The following LRRC36 variants were observed in gnomAD, a reference collection of about 807,000 sequenced individuals.
The protein encoded by LRRC36 is leucine-rich repeat-containing protein 36.
A neutral mutation model predicts 81.1 loss-of-function variants in LRRC36; 62 were observed. The observed-to-expected ratio is 0.76, with a 90% CI of 0.62 to 0.94. LRRC36 has a LOEUF of 0.94. Ranked by LOEUF, LRRC36 falls within the 40% of genes least tolerant of loss-of-function variation. LRRC36 has a pLI of 0.00. For synonymous variants in LRRC36, 334 were observed against 348.6 expected (o/e 0.96, Z 0.47); for missense variants, 761 against 881.7 (o/e 0.86, Z 1.73).
At chr16:67,378,510 G>A (rs964202060) in intron 11 of LRRC36, 79 bp from the exon 12 acceptor site, 3 of 1,398,602 alleles carry the variant, frequency 2.1e-6, no homozygotes, top group Admixed American at 1.8e-5. Context: ...AAAGTGCTAG[G>A]ATTACAGGCG....
chr16:67,358,643 G>A (rs1362943986), intron 5 of LRRC36, among the ~76,000 whole-genome samples: 4 of 151,682 alleles, frequency 2.6e-5, no homozygotes, highest in East Asian at 3.9e-4. Flanking sequence ...ATGAGCTAAC[G>A]TATTCAACCC....
intron 5 of LRRC36, among the ~76,000 whole-genome samples, chr16:67,351,830 T>A (rs1013483022): frequency 6.6e-6 from 1 of 152,244 alleles, no homozygotes; most frequent in African/African-American, 2.4e-5. Context: ...GCATTTTTAA[T>A]ATTTTTAAAT....
chr16:67,353,307 A>G (rs893068145), intron 5 of LRRC36, among the ~76,000 whole-genome samples: 1 of 152,114 alleles, frequency 6.6e-6, no homozygotes, highest in African/African-American at 2.4e-5. Flanking sequence ...CTCTGAGCTG[A>G]ATGTTCATGC....
intron 11 of LRRC36, among the ~76,000 whole-genome samples, chr16:67,377,379 C>T (rs916430600): frequency 6.6e-6 from 1 of 152,162 alleles, no homozygotes; most frequent in African/African-American, 2.4e-5. Context: ...TACCCAGCCT[C>T]GAGCGCAGTG....
intron 1 of LRRC36, among the ~76,000 whole-genome samples, chr16:67,327,643 A>C (rs9939112): frequency 0.045 from 6,801 of 152,210 alleles, 502 homozygotes; most frequent in African/African-American, 0.16. Flanking sequence ...CATTAGCAAT[A>C]GGTGGTATTT....
rs1309274139 is a variant in LRRC36 at position 67,347,545 on chromosome 16, A to G, written c.442A>G (p.Ser148Gly). Reference protein sequence around the residue: ...GERKAAKLHFSQLGNSENFLL... With the variant: ...GERKAAKLHFGQLGNSENFLL... The stretch of plus-strand genomic sequence containing the variant: ...GAGAAAAGCTGCCAAGCTGCATTTT[A>G]GTCAGTTGGGCAACAGTGAAAATTT... The change falls in exon 4 of 14, where the codon AGT becomes GGT. Residue 148 changes from serine (S) to glycine (G), a missense_variant. Transcript: ENST00000329956. 2.5e-6 allele frequency: 4 copies of G among 1,613,010 alleles called. No individual in the cohort carries two copies. In the East Asian group the frequency reaches 8.9e-5, roughly 36 times the overall value.
Position 67,371,130 on chromosome 16 carries a change from A to G in LRRC36, c.1382A>G (p.Lys461Arg), listed in dbSNP as rs747392548. Residue 461 changes from lysine (K) to arginine (R), a missense_variant, in exon 9 of 14, where the codon AAG becomes AGG. This residue lies in a region of LRRC36 where 359 missense variants were observed against 388.4 expected (regional missense o/e 0.92). Transcript: ENST00000329956. ...LLSPGTSEHRKIFTKRSLSPS... is the reference protein window; with the variant it reads ...LLSPGTSEHRRIFTKRSLSPS... ...TCTCCTGGGACTTCAGAACACAGAA[A>G]GATTTTTACCAAGAGGTCACTAAGC... 3.1e-6 allele frequency: 5 copies of G among 1,614,240 alleles called. No individual in the cohort carries two copies. The highest frequency in any genetic ancestry group is 2.2e-5 in the South Asian group (2 of 91,084).
At chr16:67,362,255 T>G (rs1393077492) in intron 5 of LRRC36, 1 of 447,972 alleles carries the variant, frequency 2.2e-6, no homozygotes, top group Admixed American at 2.4e-5. Context: ...CTCTACCTCC[T>G]GGGTTCAAGC....
rs2039259391 is a variant in LRRC36, at chr16:67,363,632, TA to T, written c.623del (p.Lys208ArgfsTer4). On this transcript the variant is annotated frameshift_variant, in exon 6 of 14. Transcript: ENST00000329956. LOFTEE classifies it high-confidence loss of function. ...TTTATTCCCTTCCCCAACCGGGAAA[TA>T]AAGGATTCCCTAAGTACTTCTGCAA... is the stretch of plus-strand genomic sequence containing the variant. The part of the protein sequence containing the change: ...GLFIPFPNRE[I>X]KDSLSTSATQ... 1 of 1,613,790 alleles carries T rather than the reference TA, an allele frequency of 6.2e-7. No individual in the cohort carries two copies. The highest frequency in any genetic ancestry group is 1.7e-5 in the Admixed American group (1 of 59,986).
At position 67,347,506 on chromosome 16, in the gene LRRC36, G is replaced by C; in HGVS notation, c.403G>C (p.Val135Leu). 1 of 1,613,214 alleles carries C rather than the reference G, an allele frequency of 6.2e-7. No homozygotes were observed. The highest frequency in any genetic ancestry group is 8.5e-7 in the Non-Finnish European group (1 of 1,179,272). The change falls in exon 4 of 14, where the codon GTA (valine) becomes CTA (leucine). Residue 135 changes from valine (V) to leucine (L), a missense_variant. Physicochemically the swap from Val to Leu is conservative, Grantham distance 32. This residue lies in a region of LRRC36 where 263 missense variants were observed against 279.3 expected (regional missense o/e 0.94). Transcript: ENST00000329956. ...QTLEKLDDRT[V>L]REGERKAAKL... ...GTTTTTGCCTCCAGATGACCGAACT[G>C]TACGTGAAGGTGAGAGAAAAGCTGC... is the stretch of plus-strand genomic sequence containing the variant.
chr16:67,347,612 A>G, intron 4 of LRRC36, 21 bp downstream of exon 4: 2 of 1,584,362 alleles, frequency 1.3e-6, no homozygotes, highest in East Asian at 2.2e-5. Context: ...TCTTTACAAA[A>G]TTTTTAAAGT....
Position 67,346,192 on chromosome 16 carries a change from T to C in LRRC36, c.199-64T>C. On this transcript the variant is annotated intron_variant, in intron 2 of 13. Coordinates refer to ENST00000329956, the MANE Select transcript of LRRC36 (RefSeq NM_018296.6). ...ACGGAAAGTAACATATATTTCCATC[T>C]TTATCTATGAGGTTCCTAGTCTTTA... 4 of 1,039,380 alleles carry C rather than the reference T, an allele frequency of 3.8e-6. 1 individual carries two copies. In the South Asian group the frequency reaches 7.7e-5, roughly 20 times the overall value. The allele number at this position is 1,039,380 out of a possible 1,614,324, so 64.4% of individuals were successfully genotyped here. A position where few individuals can be genotyped will look rare whatever the true frequency, so the allele number is the denominator to read the frequency against.
intron 8 of LRRC36, among the ~76,000 whole-genome samples, chr16:67,368,019 A>G (rs1020789191): frequency 1.3e-5 from 2 of 152,220 alleles, no homozygotes; most frequent in Non-Finnish European, 2.9e-5. Flanking sequence ...AGATCGGGCC[A>G]CTGCACTCCA....
rs375432887 is a variant in LRRC36 at position 67,378,682 on chromosome 16, A to C, written c.1900A>C (p.Ile634Leu). ...QQLEEGAAIS[I>L]VSGQQSHTYD... Reference sequence around the variant, plus strand: ...GTTGGAGGAAGGTGCTGCCATCTCAATTGTGAGTGGGCAACAGTCACATAC... The same window carrying C: ...GTTGGAGGAAGGTGCTGCCATCTCACTTGTGAGTGGGCAACAGTCACATAC... The change falls in exon 12 of 14, where the codon ATT becomes CTT. Residue 634 changes from isoleucine to leucine, a missense_variant. Physicochemically the swap from Ile to Leu is conservative, Grantham distance 5. This residue lies in a region of LRRC36 where 359 missense variants were observed against 388.4 expected (regional missense o/e 0.92). Transcript: ENST00000329956. 6.2e-6 allele frequency: 10 copies of C among 1,613,986 alleles called. No homozygotes were observed. Among genetic ancestry groups the C allele is most frequent in the Non-Finnish European group, 8.5e-6 (10 of 1,179,974 alleles).
rs906359658 is a variant in LRRC36, at chr16:67,347,330, CCTGCTCCAGTG to C, written c.392-164_392-154del. On this transcript the variant is annotated intron_variant, in intron 3 of 13. Transcript: ENST00000329956. ...TTCCTGCAGTCTCCCTGAGTTCCTG[CCTGCTCCAGTG>C]ACAACATAATAGCATTATTTTGTGA... 8 of 1,361,480 alleles carry C rather than the reference CCTGCTCCAGTG, an allele frequency of 5.9e-6. No homozygotes were observed. In the African/African-American group the frequency reaches 1.2e-4, roughly 20 times the overall value. 84.3% of individuals were successfully genotyped at this position (1,361,480 alleles called of 1,614,324 possible). A position where few individuals can be genotyped will look rare whatever the true frequency, so the allele number is the denominator to read the frequency against.
intron 1 of LRRC36, among the ~76,000 whole-genome samples, chr16:67,329,834 C>T (rs1168414337): frequency 1.3e-5 from 2 of 152,028 alleles, no homozygotes; most frequent in African/African-American, 4.8e-5. Flanking sequence ...AGGAGAATCG[C>T]TTGAACCCGG....
intron 8 of LRRC36, among the ~76,000 whole-genome samples, chr16:67,368,682 G>A (rs1456923034): frequency 6.6e-6 from 1 of 152,216 alleles, no homozygotes; most frequent in African/African-American, 2.4e-5. Flanking sequence ...AAGAATTACT[G>A]TGAATGTTGG....
intron 1 of LRRC36, among the ~76,000 whole-genome samples, chr16:67,337,384 TG>T (rs1464274460): frequency 1.3e-5 from 2 of 151,036 alleles, no homozygotes; most frequent in African/African-American, 4.8e-5. Context: ...TTTTTTTTTT[TG>T]AGAAGGAGTT....
At chr16:67,328,654 T>C (rs770243067) in intron 1 of LRRC36, among the ~76,000 whole-genome samples, 3 of 152,220 alleles carry the variant, frequency 2.0e-5, no homozygotes, top group Non-Finnish European at 4.4e-5. Flanking sequence ...AAATATTCTC[T>C]ACATATATAA....
Sources: allele counts gnomAD v4.1 joint callset (sites outside exome capture counted in the v4.1 genomes callset), GRCh38; gene constraint gnomAD v4.1.1; regional missense constraint gnomAD v4.1.1; transcripts MANE v1.5; gene names NCBI Gene and HGNC (gene_info 2026-07-23, HGNC 2026-07-21).